SPIN1: variants seen among roughly 807,000 people sequenced by gnomAD.
SPIN1 encodes the protein spindlin-1.
Under a neutral mutation model 26.0 loss-of-function variants are expected in SPIN1, and 3 were observed. That is an observed-to-expected ratio of 0.12 (90% CI 0.05 to 0.30). The LOEUF is 0.30. Ranked by LOEUF, SPIN1 falls within the 10% of genes least tolerant of loss-of-function variation. The pLI is 1.00. For synonymous variants in SPIN1, 101 were observed against 116.5 expected (o/e 0.87, Z 0.86); for missense variants, 126 against 333.4 (o/e 0.38, Z 4.84).
At chr9:88,446,022 C>G (rs2118119715) in intron 2 of SPIN1, among the ~76,000 whole-genome samples, 1 of 152,040 alleles carries the variant, frequency 6.6e-6, no homozygotes, top group East Asian at 1.9e-4. Context: ...TTGGCATATT[C>G]ATGATGTATC....
intron 3 of SPIN1, among the ~76,000 whole-genome samples, chr9:88,450,252 A>C (rs868666566): frequency 1.3e-5 from 2 of 152,220 alleles, no homozygotes; most frequent in South Asian, 4.1e-4. Flanking sequence ...AATGTAAGCC[A>C]TAAATATTAG....
chr9:88,417,666 T>G (rs1171911753), intron 1 of SPIN1, among the ~76,000 whole-genome samples: 2 of 152,024 alleles, frequency 1.3e-5, no homozygotes, highest in South Asian at 2.1e-4. Context: ...AGAGATGAGG[T>G]TTCACCATGT....
intron 2 of SPIN1, among the ~76,000 whole-genome samples, chr9:88,432,941 A>G (rs905684163): frequency 3.3e-5 from 5 of 151,936 alleles, no homozygotes; most frequent in East Asian, 1.9e-4. Context: ...GTTTCAAACT[A>G]TTGGGCTCAA....
chr9:88,388,592 G>C (rs1826840408), intron 1 of SPIN1, 54 bp downstream of exon 1: 1 of 148,642 alleles, frequency 6.7e-6, no homozygotes, highest in Admixed American at 6.7e-5. Flanking sequence ...GCTGCGGGCG[G>C]GCCAGCGGTG....
At chr9:88,437,902 G>A (rs766580548) in intron 2 of SPIN1, among the ~76,000 whole-genome samples, 3 of 152,158 alleles carry the variant, frequency 2.0e-5, no homozygotes, top group Non-Finnish European at 4.4e-5. Flanking sequence ...GCTCAAGCCT[G>A]CAATCCCAGC....
intron 2 of SPIN1, among the ~76,000 whole-genome samples, chr9:88,428,291 A>AC (rs1449444817): frequency 2.6e-5 from 4 of 152,144 alleles, no homozygotes; most frequent in Non-Finnish European, 5.9e-5. Flanking sequence ...CAGATAGTGA[A>AC]CATACTAGTT....
chr9:88,461,688 G>T lies in SPIN1; in HGVS notation c.102-808G>T, dbSNP rs146038320. 2.7e-3 allele frequency among the ~76,000 whole-genome samples: 416 copies of T among 152,238 alleles called. 1 individual carries two copies. The highest frequency in any genetic ancestry group is 9.5e-3 in the African/African-American group (394 of 41,546). ...TTGTTCTTGGCGTATATCAGCATCT[G>T]TTATCTTGGTTTTGACCTTCAGCTT... On this transcript the variant is annotated intron_variant, in intron 3 of 5. Transcript: ENST00000375859.
At chr9:88,428,538 G>T (rs1827804185) in intron 2 of SPIN1, among the ~76,000 whole-genome samples, 2 of 152,264 alleles carry the variant, frequency 1.3e-5, no homozygotes, top group South Asian at 4.1e-4. Flanking sequence ...TGTGAACATT[G>T]CTATTTTCTT....
chr9:88,411,506 T>C lies in SPIN1; in HGVS notation c.-158-14876T>C, dbSNP rs188637513. 1.1e-4 allele frequency: 89 copies of C among 789,882 alleles called. 1 individual carries two copies. In the Admixed American group the frequency reaches 2.2e-3, roughly 20 times the overall value. 48.9% of individuals were successfully genotyped at this position (789,882 alleles called of 1,614,324 possible). A position where few individuals can be genotyped will look rare whatever the true frequency, so the allele number is the denominator to read the frequency against. ...AGACTTTAATGATGCTTCAGCGTCA[T>C]CCATGGGCAGAAAGCTTTTTTTTTG... On this transcript the variant is annotated intron_variant, in intron 1 of 5. Coordinates refer to ENST00000375859, the MANE Select transcript of SPIN1 (RefSeq NM_006717.3).
chr9:88,458,435 T>C (rs1309849862), intron 3 of SPIN1, among the ~76,000 whole-genome samples: 2 of 152,188 alleles, frequency 1.3e-5, no homozygotes. Flanking sequence ...CCTTGTATAA[T>C]GCTCAAGAGG....
At chr9:88,440,567 C>T (rs80252809) in intron 2 of SPIN1, among the ~76,000 whole-genome samples, 2,946 of 152,032 alleles carry the variant, frequency 0.019, 69 homozygotes, top group African/African-American at 0.063. Flanking sequence ...GTCTCTCTCT[C>T]GCTTCCTTTC....
intron 1 of SPIN1, among the ~76,000 whole-genome samples, chr9:88,424,192 A>G (rs1827722809): frequency 6.6e-6 from 1 of 152,172 alleles, no homozygotes; most frequent in South Asian, 2.1e-4. Flanking sequence ...ATCTTTTATT[A>G]TGGAGACAAA....
At chr9:88,427,559 G>C (rs1446726342) in intron 2 of SPIN1, among the ~76,000 whole-genome samples, 1 of 151,658 alleles carries the variant, frequency 6.6e-6, no homozygotes, top group Non-Finnish European at 1.5e-5. Context: ...TTGAGCCTTA[G>C]TTTTTCTCAT....
intron 3 of SPIN1, among the ~76,000 whole-genome samples, chr9:88,455,118 A>G (rs1313037739): frequency 6.6e-6 from 1 of 152,258 alleles, no homozygotes; most frequent in Non-Finnish European, 1.5e-5. Flanking sequence ...CTATTTTTAT[A>G]TATAATTTCT....
At chr9:88,412,972 G>A (rs1017689778) in intron 1 of SPIN1, among the ~76,000 whole-genome samples, 7 of 151,230 alleles carry the variant, frequency 4.6e-5, no homozygotes, top group Non-Finnish European at 1.0e-4. Flanking sequence ...GTGAGCCACC[G>A]CGCCTGGCCT....
rs548596057 is a variant in SPIN1, at chr9:88,405,132, A to G, written c.-159+16594A>G. On this transcript the variant is annotated intron_variant, in intron 1 of 5. Transcript: ENST00000375859. Reference sequence around the variant, plus strand: ...ACTTTTTTTATAAATAAGTATGAGTACAGACTAAAATAATGATTAAACATA... The same window carrying G: ...ACTTTTTTTATAAATAAGTATGAGTGCAGACTAAAATAATGATTAAACATA... Among the ~76,000 whole-genome samples the G allele has an allele frequency of 1.2e-4, 18 of 152,306 alleles. No individual in the cohort carries two copies. The East Asian group carries it at 2.9e-3, about 25-fold the overall frequency.
In SPIN1 at chr9:88,425,447, A is replaced by G. The variant is rs941257272; in HGVS notation, c.-158-935A>G. 3.9e-5 allele frequency among the ~76,000 whole-genome samples: 6 copies of G among 152,102 alleles called. No individual in the cohort carries two copies. The East Asian group carries it at 1.2e-3, about 29-fold the overall frequency. On this transcript the variant is annotated intron_variant, in intron 1 of 5. Transcript: ENST00000375859. ...GTAATCCCAGCACTTTGGGAGGCCG[A>G]GGCAGGTGGATCACAAGGTCAGGAG...
At chr9:88,444,359 G>A (rs1263893233) in intron 2 of SPIN1, among the ~76,000 whole-genome samples, 2 of 149,616 alleles carry the variant, frequency 1.3e-5, no homozygotes, top group African/African-American at 4.9e-5. Flanking sequence ...TCCTGCCTCA[G>A]CCTCCCAAGT....
intron 1 of SPIN1, among the ~76,000 whole-genome samples, chr9:88,400,366 G>A (rs1234486839): frequency 1.3e-5 from 2 of 152,204 alleles, no homozygotes; most frequent in African/African-American, 4.8e-5. Context: ...GTTGAATCAG[G>A]CAGAATTTAT....
Sources: allele counts gnomAD v4.1 joint callset (sites outside exome capture counted in the v4.1 genomes callset), GRCh38; gene constraint gnomAD v4.1.1; transcripts MANE v1.5; gene names NCBI Gene and HGNC (gene_info 2026-07-23, HGNC 2026-07-21).